Variants in TTC13 observed in about 807,000 individuals in gnomAD.
The protein encoded by TTC13 is tetratricopeptide repeat protein 13.
TTC13 carries 62 observed loss-of-function variants against 120.0 expected under a neutral mutation model. That is an observed-to-expected ratio of 0.52 (90% CI 0.42 to 0.64). TTC13 has a LOEUF of 0.64. TTC13 is among the 30% of genes least tolerant of loss of function. The pLI is 0.00. For missense variants in TTC13, 824 were observed against 1,050.2 expected, an observed-to-expected ratio of 0.78 and a Z score of 2.98; for synonymous variants, 384 against 393.5, an observed-to-expected ratio of 0.98 and a Z score of 0.28.
At chr1:230,943,563 T>A (rs1009289669) in intron 6 of TTC13, among the ~76,000 whole-genome samples, 1 of 152,182 alleles carries the variant, frequency 6.6e-6, no homozygotes, top group Non-Finnish European at 1.5e-5. Context: ...CATATTTTCA[T>A]ACTAAATATT....
chr1:230,913,020 C>T (rs141395747), intron 18 of TTC13, among the ~76,000 whole-genome samples: 1 of 152,272 alleles, frequency 6.6e-6, no homozygotes, highest in African/African-American at 2.4e-5. Context: ...GTACTTATTA[C>T]ACAAACTTAA....
intron 22 of TTC13, among the ~76,000 whole-genome samples, chr1:230,908,194 A>G (rs779746029): frequency 2.0e-5 from 3 of 152,146 alleles, no homozygotes; most frequent in Non-Finnish European, 4.4e-5. Flanking sequence ...TTTTTTATTC[A>G]TGGTTCTTTA....
At chr1:230,916,579 C>T (rs1313607107) in intron 17 of TTC13, among the ~76,000 whole-genome samples, 2 of 152,218 alleles carry the variant, frequency 1.3e-5, no homozygotes, top group African/African-American at 2.4e-5. Context: ...GGGCACTGCT[C>T]ACTTCTAAGA....
chr1:230,927,678 G>A (rs535225961), intron 12 of TTC13, among the ~76,000 whole-genome samples: 4 of 152,032 alleles, frequency 2.6e-5, no homozygotes, highest in African/African-American at 4.8e-5. Context: ...TTTGTTGAAC[G>A]GAAGTTCTTA....
intron 1 of TTC13, among the ~76,000 whole-genome samples, chr1:230,970,685 T>C (rs551765884): frequency 1.3e-5 from 2 of 152,330 alleles, no homozygotes; most frequent in South Asian, 2.1e-4. Flanking sequence ...GCATTGGCAG[T>C]AGCATGTATT....
rs1674821843 is a variant in TTC13, at chr1:230,944,670, A to C, written c.579+719T>G. Among the ~76,000 whole-genome samples, 1 of 152,152 alleles carries C rather than the reference A, an allele frequency of 6.6e-6. No homozygotes were observed. The highest frequency in any genetic ancestry group is 1.9e-4 in the East Asian group (1 of 5,198). ...AATATTTTATAAATTGTAATAAAAT[A>C]AAAATGTTAAACATTTTTAATATTT... is the stretch of plus-strand genomic sequence containing the variant. On this transcript the variant is annotated intron_variant, in intron 5 of 22. Coordinates refer to ENST00000366661, the MANE Select transcript of TTC13 (RefSeq NM_024525.5). The surrounding 1 kb of genome is among the most constrained non-coding windows in gnomAD (Gnocchi z 4.0).
chr1:230,906,876 C>A lies in TTC13; in HGVS notation c.*29G>T. The A allele has an allele frequency of 8.7e-7, 1 of 1,153,416 alleles. No homozygotes were observed. The highest frequency in any genetic ancestry group is 1.9e-5 in the South Asian group (1 of 52,688). The allele number at this position is 1,153,416 out of a possible 1,614,324, so 71.4% of individuals were successfully genotyped here. A position where few individuals can be genotyped will look rare whatever the true frequency, so the allele number is the denominator to read the frequency against. Reference sequence around the variant, plus strand: ...TAACTTAAGAAGCAAGAGGTCCGGCCCTTTACTTGTATAAATACAGCAGCA... The same window carrying A: ...TAACTTAAGAAGCAAGAGGTCCGGCACTTTACTTGTATAAATACAGCAGCA... On this transcript the variant is annotated 3_prime_UTR_variant, in exon 23 of 23. Coordinates refer to ENST00000366661, the MANE Select transcript of TTC13 (RefSeq NM_024525.5).
chr1:230,917,196 G>T (rs371601724), intron 17 of TTC13, among the ~76,000 whole-genome samples: 1 of 152,172 alleles, frequency 6.6e-6, no homozygotes, highest in East Asian at 1.9e-4. Context: ...CAAAAAAAAC[G>T]ACTTTCAGGA....
intron 11 of TTC13, 75 bp from the exon 12 acceptor site, chr1:230,929,168 A>G: frequency 1.2e-5 from 17 of 1,432,110 alleles, no homozygotes; most frequent in Non-Finnish European, 1.6e-5. Context: ...TGCCATACAA[A>G]TACTTTGTAA....
At chr1:230,914,469 A>T (rs539338819) in intron 18 of TTC13, among the ~76,000 whole-genome samples, 2 of 152,046 alleles carry the variant, frequency 1.3e-5, no homozygotes, top group African/African-American at 4.8e-5. Context: ...ATCTCGGCTC[A>T]CTGCAACCTC....
At chr1:230,921,802 C>T (rs1480503252) in intron 15 of TTC13, among the ~76,000 whole-genome samples, 1 of 152,184 alleles carries the variant, frequency 6.6e-6, no homozygotes, top group Non-Finnish European at 1.5e-5. Context: ...TATCAGCGTC[C>T]TCTGACGGAT....
At chr1:230,953,273 G>A (rs2102932017) in intron 4 of TTC13, among the ~76,000 whole-genome samples, 1 of 152,228 alleles carries the variant, frequency 6.6e-6, no homozygotes, top group South Asian at 2.1e-4. Flanking sequence ...CTCATCAATT[G>A]TTTGAGAATG....
Position 230,917,309 on chromosome 1 carries a change from G to A in TTC13, c.1984-1007C>T, listed in dbSNP as rs75235044. ...AATCTTACAGATGAGAAACGAACTA[G>A]GTGAGGCAAAGTCTGGCTGAGTCCC... On this transcript the variant is annotated intron_variant, in intron 17 of 22. Coordinates refer to ENST00000366661, the MANE Select transcript of TTC13 (RefSeq NM_024525.5). 7.2e-5 allele frequency among the ~76,000 whole-genome samples: 11 copies of A among 152,334 alleles called. No homozygotes were observed. In the South Asian group the frequency reaches 2.3e-3, roughly 32 times the overall value.
intron 8 of TTC13, among the ~76,000 whole-genome samples, chr1:230,938,784 AC>A (rs1307595154): frequency 1.3e-5 from 2 of 152,180 alleles, no homozygotes; most frequent in Admixed American, 1.3e-4. Context: ...CATTTTGGCA[AC>A]CTAGAATTTA....
At chr1:230,912,896 A>C in intron 18 of TTC13, 138 bp from the exon 19 acceptor site, 1 of 748,460 alleles carries the variant, frequency 1.3e-6, no homozygotes, top group Non-Finnish European at 2.1e-6. Flanking sequence ...CTTTCTAACT[A>C]TAGACAAGCA....
rs191689913 is a variant in TTC13, at chr1:230,944,398, A to G, written c.580-500T>C. Among the ~76,000 whole-genome samples, 59 of 152,346 alleles carry G rather than the reference A, an allele frequency of 3.9e-4. No homozygotes were observed. The highest frequency in any genetic ancestry group is 6.5e-4 in the Non-Finnish European group (44 of 68,036). ...GCATGTGCAACTTTTTATTAAATATACATGCAAATTTAATCTCAAGATATA... is the reference window on the plus strand; with the variant it reads ...GCATGTGCAACTTTTTATTAAATATGCATGCAAATTTAATCTCAAGATATA... On this transcript the variant is annotated intron_variant, in intron 5 of 22. Transcript: ENST00000366661. This position sits in a 1 kb window ranked among gnomAD's most constrained non-coding sequence, Gnocchi z 4.0.
At chr1:230,917,029 AACAGTAAAGT>A (rs1293509437) in intron 17 of TTC13, among the ~76,000 whole-genome samples, 1 of 152,072 alleles carries the variant, frequency 6.6e-6, no homozygotes, top group Non-Finnish European at 1.5e-5. Flanking sequence ...TAAGAGAAGC[AACAGTAAAGT>A]ACAAGAGGCT....
chr1:230,976,289 C>G (rs1678299834), intron 1 of TTC13, among the ~76,000 whole-genome samples: 1 of 152,212 alleles, frequency 6.6e-6, no homozygotes, highest in African/African-American at 2.4e-5. Context: ...GGATACAGAG[C>G]ATCAGCTGCC....
At chr1:230,973,487 C>A (rs1479782323) in intron 1 of TTC13, among the ~76,000 whole-genome samples, 1 of 152,090 alleles carries the variant, frequency 6.6e-6, no homozygotes, top group Non-Finnish European at 1.5e-5. Flanking sequence ...AGAATAAATG[C>A]AATTCTGCTT....
Sources: allele counts gnomAD v4.1 joint callset (sites outside exome capture counted in the v4.1 genomes callset), GRCh38; gene constraint gnomAD v4.1.1; non-coding constraint Gnocchi (gnomAD v3.1); transcripts MANE v1.5; gene names NCBI Gene and HGNC (gene_info 2026-07-23, HGNC 2026-07-21).